Variants in DPYSL3 observed in about 807,000 individuals in gnomAD.
The protein encoded by DPYSL3 is dihydropyrimidinase like 3, also known as dihydropyrimidinase-related protein 3.
DPYSL3 carries 16 observed loss-of-function variants against 66.1 expected under a neutral mutation model. That is an observed-to-expected ratio of 0.24 (90% CI 0.16 to 0.37). The LOEUF is 0.37. Ranked by LOEUF, DPYSL3 falls within the 10% of genes least tolerant of loss-of-function variation. The pLI is 1.00. For missense variants in DPYSL3, 738 were observed against 916.2 expected (o/e 0.81, Z 2.51); for synonymous variants, 338 against 345.1 (o/e 0.98, Z 0.23).
intron 3 of DPYSL3, among the ~76,000 whole-genome samples, chr5:147,416,860 T>C (rs1481028208): frequency 6.6e-6 from 1 of 152,210 alleles, no homozygotes; most frequent in Non-Finnish European, 1.5e-5. Context: ...AAATGCTTTA[T>C]AAAATGGATG....
chr5:147,437,844 C>T (rs938745493), intron 1 of DPYSL3, among the ~76,000 whole-genome samples: 1 of 152,176 alleles, frequency 6.6e-6, no homozygotes, highest in Non-Finnish European at 1.5e-5. Context: ...CAAAGGAATG[C>T]TGTGAGGATG....
chr5:147,426,671 A>C (rs542530241), intron 1 of DPYSL3, among the ~76,000 whole-genome samples: 29 of 152,150 alleles, frequency 1.9e-4, no homozygotes, highest in Non-Finnish European at 3.8e-4. Flanking sequence ...CAGCTTTCAA[A>C]GAGGATATAA....
chr5:147,413,776 C>A (rs2152021104), intron 4 of DPYSL3, 119 bp from the exon 5 acceptor site: 4 of 782,600 alleles, frequency 5.1e-6, no homozygotes, highest in Non-Finnish European at 8.7e-6. Context: ...GGGCTCCTGT[C>A]CAACATAAAG....
At chr5:147,484,252 C>T (rs1196558344) in intron 1 of DPYSL3, among the ~76,000 whole-genome samples, 7 of 152,236 alleles carry the variant, frequency 4.6e-5, no homozygotes, top group Non-Finnish European at 8.8e-5. Context: ...CCATCCTCCT[C>T]CCCTTCACCA....
At chr5:147,505,702 A>G (rs1425872118) in intron 1 of DPYSL3, among the ~76,000 whole-genome samples, 1 of 152,200 alleles carries the variant, frequency 6.6e-6, no homozygotes. Flanking sequence ...TAGCTCTGCA[A>G]TCAACTTGAA....
chr5:147,424,706 T>C (rs914312504), intron 2 of DPYSL3, among the ~76,000 whole-genome samples, 169 bp downstream of exon 2: 1 of 152,176 alleles, frequency 6.6e-6, no homozygotes, highest in African/African-American at 2.4e-5. Context: ...CCATGACCCG[T>C]AGAATGCTCA....
chr5:147,425,210 T>C (rs1384903181), intron 1 of DPYSL3, among the ~76,000 whole-genome samples: 2 of 152,246 alleles, frequency 1.3e-5, no homozygotes, highest in African/African-American at 4.8e-5. Context: ...ATTAATATTA[T>C]AGCCACCTGG....
At chr5:147,492,201 TGAA>T (rs1422262861) in intron 1 of DPYSL3, among the ~76,000 whole-genome samples, 1 of 152,080 alleles carries the variant, frequency 6.6e-6, no homozygotes, top group Non-Finnish European at 1.5e-5. Flanking sequence ...CCTTCAAAAA[TGAA>T]GAAGATATAT....
intron 1 of DPYSL3, among the ~76,000 whole-genome samples, chr5:147,498,316 G>A (rs1364747355): frequency 2.0e-5 from 3 of 152,004 alleles, no homozygotes; most frequent in South Asian, 2.1e-4. Flanking sequence ...TATGTACCAC[G>A]TTTTCTTTAT....
chr5:147,470,820 C>G (rs1254745985), intron 1 of DPYSL3, among the ~76,000 whole-genome samples: 1 of 152,204 alleles, frequency 6.6e-6, no homozygotes, highest in African/African-American at 2.4e-5. Flanking sequence ...TAACACTCAG[C>G]TCAGGCATTA....
chr5:147,467,058 GT>G (rs1753020403), intron 1 of DPYSL3, among the ~76,000 whole-genome samples: 1 of 152,176 alleles, frequency 6.6e-6, no homozygotes, highest in African/African-American at 2.4e-5. Context: ...AGGGGGTCCA[GT>G]GACCTGAGCT....
At chr5:147,403,010 C>T (rs192332572) in intron 8 of DPYSL3, among the ~76,000 whole-genome samples, 8 of 152,318 alleles carry the variant, frequency 5.3e-5, no homozygotes, top group Non-Finnish European at 1.0e-4. Flanking sequence ...CAAGTTTGCA[C>T]TCTATGGCCA....
chr5:147,488,270 T>A (rs553580546), intron 1 of DPYSL3, among the ~76,000 whole-genome samples: 46 of 152,024 alleles, frequency 3.0e-4, no homozygotes, highest in Non-Finnish European at 5.4e-4. Flanking sequence ...AGGAGGTAGA[T>A]CAAGGGAAGG....
intron 11 of DPYSL3, 104 bp downstream of exon 11, chr5:147,398,978 T>C: frequency 6.9e-7 from 1 of 1,454,336 alleles, no homozygotes; most frequent in Non-Finnish European, 9.3e-7. Context: ...TTGCAACCCG[T>C]CCTAGTCTAA....
In DPYSL3 at chr5:147,452,797, A is replaced by G. The variant is rs142580009; in HGVS notation, c.382-27834T>C. ...CATGCATACAGCGTGCGCCCGCGACAGTAAACTAAAATCTGCTCTAAAAAC... is the reference window on the plus strand; with the variant it reads ...CATGCATACAGCGTGCGCCCGCGACGGTAAACTAAAATCTGCTCTAAAAAC... On this transcript the variant is annotated intron_variant, in intron 1 of 13. Coordinates refer to ENST00000343218, the MANE Select transcript of DPYSL3 (RefSeq NM_001197294.2). Among the ~76,000 whole-genome samples the G allele has an allele frequency of 6.2e-3, 946 of 152,122 alleles. 5 individuals carry two copies. Among genetic ancestry groups the G allele is most frequent in the South Asian group, 0.019 (90 of 4,810 alleles).
intron 1 of DPYSL3, among the ~76,000 whole-genome samples, chr5:147,466,623 A>C (rs1753013490): frequency 6.6e-6 from 1 of 152,186 alleles, no homozygotes; most frequent in African/African-American, 2.4e-5. Flanking sequence ...CCTGAATAGC[A>C]CAACAGTTCA....
At chr5:147,471,046 T>A (rs1753079804) in intron 1 of DPYSL3, among the ~76,000 whole-genome samples, 1 of 152,194 alleles carries the variant, frequency 6.6e-6, no homozygotes, top group Non-Finnish European at 1.5e-5. Flanking sequence ...ACTCATGGGA[T>A]ACACACTGAG....
At chr5:147,445,271 A>G (rs1039148430) in intron 1 of DPYSL3, among the ~76,000 whole-genome samples, 1 of 152,230 alleles carries the variant, frequency 6.6e-6, no homozygotes, top group Admixed American at 6.5e-5. Context: ...TTTCTGGCAC[A>G]TGTGCCCAGG....
intron 1 of DPYSL3, among the ~76,000 whole-genome samples, chr5:147,435,370 T>C (rs1752397423): frequency 6.6e-6 from 1 of 152,244 alleles, no homozygotes; most frequent in East Asian, 1.9e-4. Context: ...ATGAATTATA[T>C]GCTACTGTCA....
Sources: allele counts gnomAD v4.1 joint callset (sites outside exome capture counted in the v4.1 genomes callset), GRCh38; gene constraint gnomAD v4.1.1; transcripts MANE v1.5; gene names NCBI Gene and HGNC (gene_info 2026-07-23, HGNC 2026-07-21).